Variants in EGFLAM observed in about 807,000 individuals in gnomAD.
EGFLAM encodes the protein EGF like, fibronectin type III and laminin G domains, also known as pikachurin.
A neutral mutation model predicts 113.1 loss-of-function variants in EGFLAM; 79 were observed. The ratio of observed to expected loss-of-function variants is 0.70; its 90% confidence interval spans 0.58 to 0.84. EGFLAM has a LOEUF of 0.84. EGFLAM is among the 40% of genes least tolerant of loss of function. EGFLAM has a pLI of 0.00. For missense variants in EGFLAM, 1,265 were observed against 1,291.6 expected (o/e 0.98, Z 0.32); for synonymous variants, 504 against 487.6 (o/e 1.03, Z -0.44).
At chr5:38,441,997 C>A (rs910774185) in intron 17 of EGFLAM, among the ~76,000 whole-genome samples, 2 of 152,142 alleles carry the variant, frequency 1.3e-5, no homozygotes, top group African/African-American at 4.8e-5. Flanking sequence ...TCATCAGGGG[C>A]GCACAGTCCT....
intron 1 of EGFLAM, among the ~76,000 whole-genome samples, chr5:38,336,841 A>C (rs1397250794): frequency 6.6e-6 from 1 of 152,056 alleles, no homozygotes; most frequent in Non-Finnish European, 1.5e-5. Flanking sequence ...CACACACACA[A>C]ACACTTTTTT....
intron 14 of EGFLAM, among the ~76,000 whole-genome samples, chr5:38,429,153 T>TA (rs1486584832): frequency 6.6e-6 from 1 of 152,192 alleles, no homozygotes. Flanking sequence ...TGAACTTGAT[T>TA]AAAAAATCAC....
intron 10 of EGFLAM, among the ~76,000 whole-genome samples, chr5:38,410,703 CAAG>C (rs1405781326): frequency 6.6e-6 from 1 of 152,118 alleles, no homozygotes; most frequent in East Asian, 1.9e-4. Context: ...GGGATAAAAA[CAAG>C]AATAATGCAG....
intron 3 of EGFLAM, among the ~76,000 whole-genome samples, chr5:38,341,186 T>C (rs1051890465): frequency 6.6e-6 from 1 of 152,192 alleles, no homozygotes; most frequent in Non-Finnish European, 1.5e-5. Context: ...CTGTGTGAAC[T>C]ACTGTATTAG....
chr5:38,317,227 T>G (rs902302608), intron 1 of EGFLAM, among the ~76,000 whole-genome samples: 2 of 152,296 alleles, frequency 1.3e-5, no homozygotes, highest in African/African-American at 4.8e-5. Flanking sequence ...GAGTAACTTA[T>G]ATAATGTTGC....
intron 1 of EGFLAM, among the ~76,000 whole-genome samples, chr5:38,313,750 T>C (rs1738517377): frequency 6.6e-6 from 1 of 152,232 alleles, no homozygotes; most frequent in Non-Finnish European, 1.5e-5. Flanking sequence ...ATGTAATATT[T>C]GAATTACTCA....
intron 1 of EGFLAM, among the ~76,000 whole-genome samples, chr5:38,318,754 T>A (rs1365185652): frequency 6.6e-6 from 1 of 152,064 alleles, no homozygotes; most frequent in Non-Finnish European, 1.5e-5. Context: ...TCTACCCGCA[T>A]CGGCCTCCCA....
At chr5:38,374,992 T>A (rs1006704414) in intron 6 of EGFLAM, among the ~76,000 whole-genome samples, 1 of 152,146 alleles carries the variant, frequency 6.6e-6, no homozygotes, top group Non-Finnish European at 1.5e-5. Flanking sequence ...TGGATATTAG[T>A]TCTTTTTCAG....
intron 1 of EGFLAM, among the ~76,000 whole-genome samples, chr5:38,287,705 G>A (rs867477989): frequency 1.1e-4 from 16 of 152,196 alleles, no homozygotes; most frequent in Non-Finnish European, 2.1e-4. Flanking sequence ...TGACTGGTAA[G>A]GCAGAGGCAT....
chr5:38,329,156 G>A (rs1738972195), intron 1 of EGFLAM, among the ~76,000 whole-genome samples: 1 of 151,948 alleles, frequency 6.6e-6, no homozygotes, highest in Non-Finnish European at 1.5e-5. Flanking sequence ...AGATGTGGTG[G>A]CACGTGACTG....
intron 6 of EGFLAM, chr5:38,403,529 G>A (rs1741182307): frequency 3.5e-6 from 1 of 282,920 alleles, no homozygotes; most frequent in Non-Finnish European, 7.0e-6. Flanking sequence ...TCGATACCAT[G>A]ACAGTGAATC....
intron 5 of EGFLAM, among the ~76,000 whole-genome samples, chr5:38,358,962 G>C (rs1739847404): frequency 6.6e-6 from 1 of 152,148 alleles, no homozygotes; most frequent in South Asian, 2.1e-4. Context: ...TTTCTAAAGT[G>C]ACACTAAAAA....
At chr5:38,276,141 G>T (rs1426552796) in intron 1 of EGFLAM, among the ~76,000 whole-genome samples, 1 of 152,148 alleles carries the variant, frequency 6.6e-6, no homozygotes, top group East Asian at 1.9e-4. Flanking sequence ...GTATTATATG[G>T]ATGGCGGCAG....
chr5:38,425,523 C>A (rs1010357794), intron 13 of EGFLAM, among the ~76,000 whole-genome samples: 5 of 152,146 alleles, frequency 3.3e-5, no homozygotes, highest in African/African-American at 1.2e-4. Flanking sequence ...ATGGGATCAA[C>A]ATTGCTTTGT....
At chr5:38,356,368 G>T (rs1345148655) in intron 5 of EGFLAM, among the ~76,000 whole-genome samples, 3 of 152,100 alleles carry the variant, frequency 2.0e-5, no homozygotes, top group Non-Finnish European at 4.4e-5. Flanking sequence ...CAGAGCTCTT[G>T]CTCATACTCC....
intron 1 of EGFLAM, among the ~76,000 whole-genome samples, chr5:38,285,153 A>T (rs1002500842): frequency 2.6e-5 from 4 of 152,142 alleles, no homozygotes; most frequent in African/African-American, 9.7e-5. Flanking sequence ...GAACTTTTTT[A>T]AAAAAATGAG....
intron 6 of EGFLAM, among the ~76,000 whole-genome samples, chr5:38,383,886 C>T (rs75088189): frequency 0.011 from 1,680 of 151,824 alleles, 30 homozygotes; most frequent in African/African-American, 0.038. Flanking sequence ...ACTGGAAGCT[C>T]ACAGAAAGAG....
intron 1 of EGFLAM, among the ~76,000 whole-genome samples, chr5:38,319,613 G>A (rs1251358635): frequency 6.6e-5 from 10 of 152,166 alleles, no homozygotes; most frequent in African/African-American, 1.9e-4. Flanking sequence ...CAACACTCCC[G>A]GATTTCAGGA....
At chr5:38,325,893 A>T (rs1470992834) in intron 1 of EGFLAM, among the ~76,000 whole-genome samples, 1 of 151,808 alleles carries the variant, frequency 6.6e-6, no homozygotes, top group African/African-American at 2.4e-5. Flanking sequence ...ATTTTCTTTT[A>T]AAAAAATACC....
Sources: allele counts gnomAD v4.1 joint callset (sites outside exome capture counted in the v4.1 genomes callset), GRCh38; gene constraint gnomAD v4.1.1; transcripts MANE v1.5; gene names NCBI Gene and HGNC (gene_info 2026-07-23, HGNC 2026-07-21).